The following PALLD variants were observed in gnomAD, a reference collection of about 807,000 sequenced individuals.
The protein encoded by PALLD is palladin, cytoskeletal associated protein.
In PALLD, 61 loss-of-function variants were observed where a neutral mutation model predicts 123.5. That is an observed-to-expected ratio of 0.49 (90% CI 0.40 to 0.61). The LOEUF (loss-of-function observed/expected upper bound fraction) is 0.61. Ranked by LOEUF, PALLD falls within the 20% of genes least tolerant of loss-of-function variation. The probability of loss-of-function intolerance (pLI) is 0.00; values close to 1 mark genes in which losing one functional copy is unlikely to be tolerated. For missense variants in PALLD, 1,273 were observed against 1,377.0 expected (o/e 0.92, Z 1.20); for synonymous variants, 465 against 496.4 (o/e 0.94, Z 0.84).
At chr4:168,881,636 C>T (rs1167853582) in intron 10 of PALLD, among the ~76,000 whole-genome samples, 1 of 151,966 alleles carries the variant, frequency 6.6e-6, no homozygotes, top group Non-Finnish European at 1.5e-5. Flanking sequence ...TATTGCCCTG[C>T]ACAAAGCTGT....
At chr4:168,664,334 C>A (rs961010239) in intron 2 of PALLD, among the ~76,000 whole-genome samples, 1 of 152,100 alleles carries the variant, frequency 6.6e-6, no homozygotes. Context: ...TTGAAATATA[C>A]CTTAATACTG....
rs539875609 is a variant in PALLD, at chr4:168,582,313, T to A, written c.908+69901T>A. Among the ~76,000 whole-genome samples the A allele has an allele frequency of 5.3e-5, 8 of 152,282 alleles. No homozygotes were observed. The South Asian group carries it at 1.7e-3, about 32-fold the overall frequency. On this transcript the variant is annotated intron_variant, in intron 2 of 21. Coordinates refer to ENST00000505667, the MANE Select transcript of PALLD (RefSeq NM_001166108.2). ...TACAGAAACACAACTGACTTTTGTATGTTGACTTTGTATCCTGCTACTTTA... is the reference window on the plus strand; with the variant it reads ...TACAGAAACACAACTGACTTTTGTAAGTTGACTTTGTATCCTGCTACTTTA...
intron 8 of PALLD, among the ~76,000 whole-genome samples, chr4:168,704,041 A>G (rs575877991): frequency 6.6e-6 from 1 of 152,220 alleles, no homozygotes; most frequent in African/African-American, 2.4e-5. Flanking sequence ...AGATATATGG[A>G]TCAATGGAAC....
At chr4:168,590,586 T>G (rs1483624561) in intron 2 of PALLD, among the ~76,000 whole-genome samples, 1 of 152,214 alleles carries the variant, frequency 6.6e-6, no homozygotes, top group Non-Finnish European at 1.5e-5. Context: ...TAGTGGCTTT[T>G]AAGTAGCAGG....
At chr4:168,657,561 C>G (rs975456724) in intron 2 of PALLD, among the ~76,000 whole-genome samples, 1 of 152,122 alleles carries the variant, frequency 6.6e-6, no homozygotes, top group Admixed American at 6.5e-5. Flanking sequence ...GTATAGGAGT[C>G]CTTGGTAAGG....
chr4:168,745,042 C>T (rs1428187635), intron 10 of PALLD, among the ~76,000 whole-genome samples: 1 of 152,214 alleles, frequency 6.6e-6, no homozygotes, highest in Non-Finnish European at 1.5e-5. Context: ...AGCTGGAATC[C>T]TGACTCTACC....
In PALLD at chr4:168,921,556, A is replaced by C. The variant is rs1761523394; in HGVS notation, c.2873A>C (p.Asp958Ala). 6.2e-7 allele frequency: 1 copy of C among 1,607,428 alleles called. No homozygotes were observed. Residue 958 changes from aspartate to alanine, a missense_variant, in exon 18 of 22, where the codon GAT (aspartate) becomes GCT (alanine). Around this residue, in one of 2 missense-constraint regions of PALLD, gnomAD observed 329 missense variants for 422.5 expected, o/e 0.78. Transcript: ENST00000505667. Reference sequence around the variant, plus strand: ...TAGGTCAGTGGGTTACCAACCCCAGATCTAAGCTGGCAACTAGATGGAAAG... The same window carrying C: ...TAGGTCAGTGGGTTACCAACCCCAGCTCTAAGCTGGCAACTAGATGGAAAG... ...DCKVSGLPTP[D>A]LSWQLDGKPV...
At chr4:168,603,062 T>C (rs951539596) in intron 2 of PALLD, among the ~76,000 whole-genome samples, 3 of 152,182 alleles carry the variant, frequency 2.0e-5, no homozygotes, top group African/African-American at 4.8e-5. Context: ...CCATCATACC[T>C]GGCCCTGAAT....
chr4:168,793,148 TGTGC>T (rs1737799862), intron 10 of PALLD, among the ~76,000 whole-genome samples: 1 of 100,180 alleles, frequency 1.0e-5, no homozygotes, highest in African/African-American at 3.9e-5. Flanking sequence ...CATATATATG[TGTGC>T]ATATATATAC....
At chr4:168,777,058 GA>G (rs5863960) in intron 10 of PALLD, among the ~76,000 whole-genome samples, 64,180 of 151,594 alleles carry the variant, frequency 0.42, 16,092 homozygotes, top group East Asian at 0.72. Flanking sequence ...GAGGGTCATT[GA>G]AAAATCAAGG....
rs572716396 is a variant in PALLD, at chr4:168,716,346, G to A, written c.1964+4423G>A. On this transcript the variant is annotated intron_variant, in intron 10 of 21. Coordinates refer to ENST00000505667, the MANE Select transcript of PALLD (RefSeq NM_001166108.2). ...TAGTGCCAAAAATATGTGCATTACCGTGAAAGTCTGTGTCCTTTTGCCTGG... is the reference window on the plus strand; with the variant it reads ...TAGTGCCAAAAATATGTGCATTACCATGAAAGTCTGTGTCCTTTTGCCTGG... Among the ~76,000 whole-genome samples the A allele has an allele frequency of 7.2e-5, 11 of 152,252 alleles. No homozygotes were observed. In the East Asian group the frequency reaches 1.4e-3, roughly 19 times the overall value.
chr4:168,862,780 G>A (rs1749684345), intron 10 of PALLD, among the ~76,000 whole-genome samples: 1 of 152,204 alleles, frequency 6.6e-6, no homozygotes, highest in Non-Finnish European at 1.5e-5. Flanking sequence ...GAAATGAAAA[G>A]ATATGGATAA....
chr4:168,727,388 G>A (rs1026153854), intron 10 of PALLD, among the ~76,000 whole-genome samples: 2 of 152,088 alleles, frequency 1.3e-5, no homozygotes, highest in Admixed American at 1.3e-4. Context: ...ACCAGCATCT[G>A]TTGTTTTTTG....
At chr4:168,596,247 T>C (rs548042138) in intron 2 of PALLD, among the ~76,000 whole-genome samples, 124 of 152,224 alleles carry the variant, frequency 8.1e-4, no homozygotes, top group Non-Finnish European at 1.6e-3. Flanking sequence ...GCAGACTATA[T>C]ATTATATTAT....
chr4:168,774,391 T>C (rs1008386961), intron 10 of PALLD, among the ~76,000 whole-genome samples: 7 of 152,152 alleles, frequency 4.6e-5, no homozygotes, highest in Non-Finnish European at 1.0e-4. Flanking sequence ...TGTAATAAGT[T>C]TTGACATATG....
chr4:168,860,479 G>C (rs1228964192), intron 10 of PALLD, among the ~76,000 whole-genome samples: 1 of 152,224 alleles, frequency 6.6e-6, no homozygotes, highest in Non-Finnish European at 1.5e-5. Flanking sequence ...CAATAGTTGA[G>C]TGAGTCATCT....
chr4:168,499,722 T>C lies in PALLD; in HGVS notation c.-83+2528T>C, dbSNP rs563614504. ...TTGGTGTATGTTATTCCAACCATTT[T>C]CATATATTTATTCCTATCTATGTAT... On this transcript the variant is annotated intron_variant, in intron 1 of 21. Coordinates refer to ENST00000505667, the MANE Select transcript of PALLD (RefSeq NM_001166108.2). 1.8e-3 allele frequency among the ~76,000 whole-genome samples: 268 copies of C among 152,312 alleles called. 1 individual carries two copies. The highest frequency in any genetic ancestry group is 0.017 in the Middle Eastern group (5 of 294).
intron 2 of PALLD, among the ~76,000 whole-genome samples, chr4:168,653,782 C>A (rs1298445335): frequency 6.6e-6 from 1 of 152,098 alleles, no homozygotes; most frequent in Non-Finnish European, 1.5e-5. Context: ...CTCACTGCAA[C>A]CTCTGCCTCC....
intron 10 of PALLD, among the ~76,000 whole-genome samples, chr4:168,797,460 C>T (rs1031365359): frequency 6.6e-6 from 1 of 152,000 alleles, no homozygotes; most frequent in Non-Finnish European, 1.5e-5. Flanking sequence ...AGGAGTTTAT[C>T]AGATCACCCT....
Sources: gnomAD v4.1 joint callset for allele counts (sites outside exome capture counted in the v4.1 genomes callset) on GRCh38, gnomAD v4.1.1 for gene constraint, gnomAD v4.1.1 regional missense constraint, MANE v1.5 for transcripts, NCBI Gene and HGNC (gene_info 2026-07-23, HGNC 2026-07-21) for gene names.